The following ATP2B2 variants were observed in gnomAD, a reference collection of about 807,000 sequenced individuals.
ATP2B2 encodes the protein ATPase plasma membrane Ca2+ transporting 2.
A neutral mutation model predicts 120.0 loss-of-function variants in ATP2B2; 15 were observed. The ratio of observed to expected loss-of-function variants is 0.12; its 90% CI spans 0.08 to 0.19. The LOEUF (loss-of-function observed/expected upper bound fraction) is 0.19, where lower values mean the gene tolerates loss of function less well. Among genes scored for constraint, ATP2B2 ranks in the 10% least tolerant of loss-of-function variants. The pLI is 1.00. For missense variants in ATP2B2, 1,045 were observed against 1,719.8 expected (o/e 0.61, Z 6.94); for synonymous variants, 694 against 700.3 (o/e 0.99, Z 0.14).
At chr3:10,376,254 G>T (rs936047895) in intron 10 of ATP2B2, among the ~76,000 whole-genome samples, 1 of 152,156 alleles carries the variant, frequency 6.6e-6, no homozygotes, top group African/African-American at 2.4e-5. Context: ...GTGACACATT[G>T]TGAAGAAAAA....
At chr3:10,660,225 G>A (rs1315985272) in intron 1 of ATP2B2, among the ~76,000 whole-genome samples, 2 of 152,184 alleles carry the variant, frequency 1.3e-5, no homozygotes, top group East Asian at 3.9e-4. Context: ...AAAGCTAGCA[G>A]AAGGCAAGAA....
chr3:10,440,675 T>C (rs2063633745), intron 2 of ATP2B2, among the ~76,000 whole-genome samples: 1 of 152,246 alleles, frequency 6.6e-6, no homozygotes, highest in South Asian at 2.1e-4. Flanking sequence ...CTCCTGATTT[T>C]GTCCCCAATC....
At position 10,375,177 on chromosome 3, in the gene ATP2B2, A is replaced by G. The variant is rs1400795877; in HGVS notation, c.1416+253T>C. 6.6e-6 allele frequency among the ~76,000 whole-genome samples: 1 copy of G among 152,186 alleles called. No individual in the cohort carries two copies. Among genetic ancestry groups the G allele is most frequent in the Non-Finnish European group, 1.5e-5 (1 of 68,028 alleles). On this transcript the variant is annotated intron_variant, in intron 11 of 22. Transcript: ENST00000360273. The surrounding 1 kb of genome is among the most constrained non-coding windows in gnomAD (Gnocchi z 4.2). ...GCAATGCTGGGCCTGCACCCCTGCAAGGCGGCGTGTGGCTGGGCTGAATAA... is the reference window on the plus strand; with the variant it reads ...GCAATGCTGGGCCTGCACCCCTGCAGGGCGGCGTGTGGCTGGGCTGAATAA...
chr3:10,451,714 G>A (rs1435819469), intron 1 of ATP2B2, among the ~76,000 whole-genome samples: 1 of 152,176 alleles, frequency 6.6e-6, no homozygotes, highest in African/African-American at 2.4e-5. Context: ...CAAAGAAACT[G>A]CACGCTTGGT....
intron 2 of ATP2B2, among the ~76,000 whole-genome samples, chr3:10,559,555 G>C (rs2067856093): frequency 6.6e-6 from 1 of 152,086 alleles, no homozygotes; most frequent in Non-Finnish European, 1.5e-5. Flanking sequence ...TAGTGAATTA[G>C]ACAGGGAAGT....
intron 2 of ATP2B2, among the ~76,000 whole-genome samples, chr3:10,419,129 C>T (rs1286182859): frequency 1.3e-5 from 2 of 152,258 alleles, no homozygotes; most frequent in East Asian, 3.8e-4. Context: ...CAGCACACAG[C>T]AGTCCCTCAA....
Position 10,597,519 on chromosome 3 carries a change from G to C in ATP2B2, c.-415+22398C>G, listed in dbSNP as rs1028933856. The stretch of plus-strand genomic sequence containing the variant: ...GGAAAGAAGGAGGAAACCACGAGCA[G>C]AGCTAAAGGAGGGACGAGTAACTGG... On this transcript the variant is annotated intron_variant, in intron 2 of 21. Coordinates refer to the ATP2B2 transcript ENST00000646379. Among the ~76,000 whole-genome samples, 12 of 152,214 alleles carry C rather than the reference G, an allele frequency of 7.9e-5. 1 individual carries two copies. Among genetic ancestry groups the C allele is most frequent in the Admixed American group, 6.5e-5 (1 of 15,284 alleles).
At chr3:10,628,178 G>C (rs1468511968) in intron 1 of ATP2B2, among the ~76,000 whole-genome samples, 1 of 152,246 alleles carries the variant, frequency 6.6e-6, no homozygotes, top group Non-Finnish European at 1.5e-5. Flanking sequence ...CAGGGCCTCA[G>C]GGCCCATGGC....
chr3:10,350,994 C>T (rs1265006051), intron 14 of ATP2B2, among the ~76,000 whole-genome samples: 3 of 152,192 alleles, frequency 2.0e-5, no homozygotes, highest in Non-Finnish European at 4.4e-5. Context: ...ATAGTTCCTG[C>T]AAACTTGACA....
At chr3:10,359,176 T>C (rs976146728) in intron 13 of ATP2B2, among the ~76,000 whole-genome samples, 9 of 152,160 alleles carry the variant, frequency 5.9e-5, no homozygotes, top group African/African-American at 2.2e-4. Flanking sequence ...CTCCCACAGC[T>C]GAAATGGTTT....
chr3:10,615,202 G>C (rs1409725855), intron 2 of ATP2B2, among the ~76,000 whole-genome samples: 1 of 152,200 alleles, frequency 6.6e-6, no homozygotes. Context: ...CAGTCAGGGA[G>C]TGATGCGAGC....
chr3:10,657,823 G>A (rs944321542), intron 1 of ATP2B2, among the ~76,000 whole-genome samples: 3 of 152,236 alleles, frequency 2.0e-5, no homozygotes, highest in African/African-American at 4.8e-5. Context: ...TGACCCCCAA[G>A]GAGCCTAACT....
intron 1 of ATP2B2, among the ~76,000 whole-genome samples, chr3:10,501,272 C>T (rs1460050362): frequency 6.6e-6 from 1 of 152,230 alleles, no homozygotes; most frequent in Admixed American, 6.5e-5. Flanking sequence ...CTCCCGCCGC[C>T]TCCATCCAGA....
chr3:10,683,760 G>GTGTGTGTATATATATATATA (rs1446781892), intron 1 of ATP2B2, among the ~76,000 whole-genome samples: 5 of 53,908 alleles, frequency 9.3e-5, no homozygotes, highest in African/African-American at 1.7e-4. Context: ...GTGTGTGTGT[G>GTGTGTGTATATATATATATA]TATATATATA....
At chr3:10,626,921 T>A (rs1041574727) in intron 1 of ATP2B2, 41 of 146,544 alleles carry the variant, frequency 2.8e-4, no homozygotes, top group African/African-American at 1.0e-3. Context: ...CACACACTTT[T>A]CATTTACCAA....
intron 1 of ATP2B2, among the ~76,000 whole-genome samples, chr3:10,464,304 C>T (rs569924587): frequency 1.3e-5 from 2 of 152,280 alleles, no homozygotes; most frequent in African/African-American, 2.4e-5. Context: ...CAGCCATCTG[C>T]GCGGGGACAG....
chr3:10,471,962 T>C (rs1421989319), intron 1 of ATP2B2, among the ~76,000 whole-genome samples: 1 of 150,618 alleles, frequency 6.6e-6, no homozygotes, highest in Non-Finnish European at 1.5e-5. Flanking sequence ...GCGCCTGTAG[T>C]CCCAGCTACT....
chr3:10,355,101 C>A (rs2060677955), intron 14 of ATP2B2, among the ~76,000 whole-genome samples: 2 of 152,012 alleles, frequency 1.3e-5, no homozygotes, highest in African/African-American at 4.8e-5. Context: ...ATAAACAAAG[C>A]CATACCCACC....
At chr3:10,512,788 A>G (rs1297788185) in intron 3 of ATP2B2, among the ~76,000 whole-genome samples, 2 of 152,134 alleles carry the variant, frequency 1.3e-5, no homozygotes, top group Admixed American at 6.5e-5. Context: ...TCAGTCCTCC[A>G]TTGCACCCAC....
Sources: gnomAD v4.1 joint callset for allele counts (sites outside exome capture counted in the v4.1 genomes callset) on GRCh38, gnomAD v4.1.1 for gene constraint, Gnocchi (gnomAD v3.1) non-coding constraint, MANE v1.5 for transcripts, NCBI Gene and HGNC (gene_info 2026-07-23, HGNC 2026-07-21) for gene names.